Variants in CDK5RAP2 observed in about 807,000 individuals in gnomAD.
CDK5RAP2 encodes CDK5 regulatory subunit associated protein 2.
Under a neutral mutation model 232.9 loss-of-function variants are expected in CDK5RAP2, and 147 were observed. The observed-to-expected ratio is 0.63, with a 90% CI of 0.55 to 0.72. CDK5RAP2 has a LOEUF of 0.72. CDK5RAP2 is among the 30% of genes least tolerant of loss of function. CDK5RAP2 has a pLI of 0.00. For missense variants in CDK5RAP2, 2,195 were observed against 2,231.5 expected (o/e 0.98, Z 0.33); for synonymous variants, 833 against 833.7 (o/e 1.00, Z 0.01).
intron 1 of CDK5RAP2, among the ~76,000 whole-genome samples, chr9:120,573,316 A>C (rs2042919061): frequency 6.6e-6 from 1 of 152,214 alleles, no homozygotes; most frequent in South Asian, 2.1e-4. Flanking sequence ...TGGGAGGCCA[A>C]GGCTGGTGCA....
At chr9:120,423,146 A>G (rs1379566206) in intron 25 of CDK5RAP2, among the ~76,000 whole-genome samples, 1 of 152,206 alleles carries the variant, frequency 6.6e-6, no homozygotes, top group Non-Finnish European at 1.5e-5. Context: ...GCATTTTGGC[A>G]TGGAAGATAC....
chr9:120,482,131 A>G (rs1218158917), intron 14 of CDK5RAP2, among the ~76,000 whole-genome samples: 1 of 152,202 alleles, frequency 6.6e-6, no homozygotes, highest in Non-Finnish European at 1.5e-5. Flanking sequence ...TTTGTGCTTA[A>G]GTATGTAACT....
At position 120,460,591 on chromosome 9, in the gene CDK5RAP2, T is replaced by C. The variant is rs1388589028; in HGVS notation, c.2183A>G (p.His728Arg). The change falls in exon 19 of 38, where the codon CAT becomes CGT. Residue 728 changes from histidine to arginine, a missense_variant. Transcript: ENST00000349780. ...DDEINFLSDQ[H>R]LQQSNEIMKD... ...TCCTACCTCATTACTCTGCTGCAAA[T>C]GCTGGTCACTCAGGAAATTAATCTC... is the stretch of plus-strand genomic sequence containing the variant. 1 of 1,614,144 alleles carries C rather than the reference T, an allele frequency of 6.2e-7. No homozygotes were observed. Among genetic ancestry groups the C allele is most frequent in the Non-Finnish European group, 8.5e-7 (1 of 1,180,008 alleles).
Position 120,542,717 on chromosome 9 carries a change from C to G in CDK5RAP2, c.383+2997G>C, listed in dbSNP as rs1180648823. On this transcript the variant is annotated intron_variant, in intron 5 of 37. Transcript: ENST00000349780. ...AGTCATGGCCCTTCCCTTTTCCTGG[C>G]CTATAGTCTCTCCTCTGTGAAATGA... Among the ~76,000 whole-genome samples the G allele has an allele frequency of 2.6e-5, 4 of 152,290 alleles. No homozygotes were observed. In the East Asian group the frequency reaches 7.7e-4, roughly 29 times the overall value.
intron 18 of CDK5RAP2, among the ~76,000 whole-genome samples, chr9:120,463,789 TTAAAAG>T (rs2037220735): frequency 6.6e-6 from 1 of 152,204 alleles, no homozygotes; most frequent in African/African-American, 2.4e-5. Context: ...GTGGTCAAGA[TTAAAAG>T]TAAACTCTCG....
In CDK5RAP2 at chr9:120,564,843, G is replaced by C. The variant is rs2042591780; in HGVS notation, c.195+3478C>G. ...ACCCAAAAAACATGTTTTTTAAAGG[G>C]AGAGAGAGATAGCAGTGTCCAGAAC... On this transcript the variant is annotated intron_variant, in intron 3 of 37. Transcript: ENST00000349780. Among the ~76,000 whole-genome samples the C allele has an allele frequency of 2.0e-5, 3 of 152,116 alleles. No homozygotes were observed. In the South Asian group the frequency reaches 6.2e-4, roughly 32 times the overall value.
chr9:120,571,921 T>C, intron 2 of CDK5RAP2, 53 bp downstream of exon 2: 3 of 1,400,484 alleles, frequency 2.1e-6, no homozygotes, highest in Non-Finnish European at 2.0e-6. Context: ...CACAGTCCAA[T>C]GTCTACTTTC....
intron 8 of CDK5RAP2, 145 bp downstream of exon 8, chr9:120,529,833 G>C: frequency 1.3e-6 from 1 of 794,388 alleles, no homozygotes; most frequent in East Asian, 2.5e-5. Flanking sequence ...GACAAAGGCA[G>C]TTTCTGCTCA....
chr9:120,549,873 G>C (rs1315457200), intron 4 of CDK5RAP2, among the ~76,000 whole-genome samples: 1 of 152,204 alleles, frequency 6.6e-6, no homozygotes, highest in East Asian at 1.9e-4. Context: ...TTTCATAAGG[G>C]ACAAAGAAGC....
At chr9:120,462,719 A>T (rs1289318329) in intron 18 of CDK5RAP2, among the ~76,000 whole-genome samples, 3 of 152,226 alleles carry the variant, frequency 2.0e-5, no homozygotes, top group African/African-American at 7.2e-5. Flanking sequence ...AGTGGGACAA[A>T]ATCAGAAGAG....
At chr9:120,571,811 G>A (rs2042864781) in intron 2 of CDK5RAP2, 163 bp downstream of exon 2, 1 of 681,348 alleles carries the variant, frequency 1.5e-6, no homozygotes, top group Admixed American at 2.1e-5. Flanking sequence ...TATGAAAGGA[G>A]GTGGAAAGCA....
At chr9:120,465,796 C>T (rs1358712611) in intron 18 of CDK5RAP2, among the ~76,000 whole-genome samples, 1 of 151,620 alleles carries the variant, frequency 6.6e-6, no homozygotes, top group East Asian at 1.9e-4. Context: ...TAGAAATAAC[C>T]TACATGTCCA....
chr9:120,546,867 CT>C (rs745496841), intron 4 of CDK5RAP2, among the ~76,000 whole-genome samples: 1 of 152,178 alleles, frequency 6.6e-6, no homozygotes, highest in Non-Finnish European at 1.5e-5. Context: ...AAACTTCTGG[CT>C]TCAAATGATA....
At chr9:120,459,560 A>G (rs1745867891) in intron 19 of CDK5RAP2, among the ~76,000 whole-genome samples, 1 of 152,222 alleles carries the variant, frequency 6.6e-6, no homozygotes, top group Non-Finnish European at 1.5e-5. Context: ...ACCTCCAAAG[A>G]AGGAAATGTC....
At chr9:120,510,725 T>C (rs76602558) in intron 12 of CDK5RAP2, among the ~76,000 whole-genome samples, 2,543 of 152,302 alleles carry the variant, frequency 0.017, 79 homozygotes, top group African/African-American at 0.058. Flanking sequence ...AGTTAGGGCA[T>C]AGACTTGGGA....
chr9:120,407,256 C>T lies in CDK5RAP2; in HGVS notation c.4727-8G>A, dbSNP rs375283074. ...AGCCTTCTCCCGACGCCTCTGAGGACATGTGCAAAGAGAAGCCCTGACATC... is the reference window on the plus strand; with the variant it reads ...AGCCTTCTCCCGACGCCTCTGAGGATATGTGCAAAGAGAAGCCCTGACATC... On this transcript the variant is annotated splice_region_variant and splice_polypyrimidine_tract_variant and intron_variant, in intron 31 of 37. Coordinates refer to ENST00000349780, the MANE Select transcript of CDK5RAP2 (RefSeq NM_018249.6). 4.3e-5 allele frequency: 69 copies of T among 1,604,630 alleles called. No individual in the cohort carries two copies. The highest frequency in any genetic ancestry group is 2.0e-4 in the East Asian group (9 of 44,872).
intron 12 of CDK5RAP2, among the ~76,000 whole-genome samples, chr9:120,492,040 A>G (rs908752236): frequency 1.3e-5 from 2 of 152,188 alleles, no homozygotes; most frequent in African/African-American, 4.8e-5. Context: ...TACCATTTAC[A>G]AAGAATTTAT....
rs574816864 is a variant in CDK5RAP2, at chr9:120,489,630, C to T, written c.1482+1677G>A. On this transcript the variant is annotated intron_variant, in intron 13 of 37. Coordinates refer to ENST00000349780, the MANE Select transcript of CDK5RAP2 (RefSeq NM_018249.6). The stretch of plus-strand genomic sequence containing the variant: ...TTTTAAACTTTTTTATATTTGCAGT[C>T]CTACTTTCAAATTCCAATAGGTCTT... 3.9e-5 allele frequency among the ~76,000 whole-genome samples: 6 copies of T among 152,190 alleles called. No homozygotes were observed. The South Asian group carries it at 1.2e-3, about 32-fold the overall frequency.
intron 12 of CDK5RAP2, among the ~76,000 whole-genome samples, chr9:120,515,237 C>T (rs1041336202): frequency 2.6e-5 from 4 of 152,136 alleles, no homozygotes; most frequent in Non-Finnish European, 4.4e-5. Flanking sequence ...AAACATGCAG[C>T]TCTATAAATG....
Sources: gnomAD v4.1 joint callset for allele counts (sites outside exome capture counted in the v4.1 genomes callset) on GRCh38, gnomAD v4.1.1 for gene constraint, MANE v1.5 for transcripts, NCBI Gene and HGNC (gene_info 2026-07-23, HGNC 2026-07-21) for gene names.